Variants in ANK2 observed in about 807,000 individuals in gnomAD.
The protein encoded by ANK2 is ankyrin 2.
A neutral mutation model predicts 360.5 loss-of-function variants in ANK2; 83 were observed. That is an observed-to-expected ratio of 0.23 (90% CI 0.19 to 0.28). ANK2 has a LOEUF of 0.28. Ranked by LOEUF, ANK2 falls within the 10% of genes least tolerant of loss-of-function variation. The probability of loss-of-function intolerance (pLI) is 1.00; values close to 1 mark genes in which losing one functional copy is unlikely to be tolerated. For synonymous variants in ANK2, 1,740 were observed against 1,759.5 expected (o/e 0.99, Z 0.28); for missense variants, 4,201 against 4,795.7 (o/e 0.88, Z 3.66).
Position 113,382,742 on chromosome 4 carries a change from T to C in ANK2, c.*1271T>C, listed in dbSNP as rs937138642. On this transcript the variant is annotated 3_prime_UTR_variant, in exon 46 of 46. Coordinates refer to ENST00000357077, the MANE Select transcript of ANK2 (RefSeq NM_001148.6). ...ACCCCTCTTCTAATCACATTAATTG[T>C]TTCCATTCTTTTTACCCTGAGTGAG... 1.3e-5 allele frequency: 2 copies of C among 152,246 alleles called. No individual in the cohort carries two copies. The highest frequency in any genetic ancestry group is 2.9e-5 in the Non-Finnish European group (2 of 68,026). The allele number at this position is 152,246 out of a possible 1,614,324, so 9.4% of individuals were successfully genotyped here.
At chr4:113,241,681 A>G (rs1258263138) in intron 8 of ANK2, among the ~76,000 whole-genome samples, 1 of 152,160 alleles carries the variant, frequency 6.6e-6, no homozygotes, top group Non-Finnish European at 1.5e-5. Context: ...ATTGGATATT[A>G]ATACCCAAAT....
rs2153836492 is a variant in ANK2, at chr4:113,317,782, T to A, written c.2769T>A (p.Asp923Glu). 2 of 1,614,106 alleles carry A rather than the reference T, an allele frequency of 1.2e-6. No homozygotes were observed. The highest frequency in any genetic ancestry group is 1.7e-4 in the Middle Eastern group (1 of 6,058). The part of the protein sequence containing the change: ...ASYLRDSAVM[D>E]DSVVIPSHQV... ...ACCTGAGGGACAGTGCCGTGATGGA[T>A]GACTCAGTTGTGATTCCCAGTCACC... Residue 923 changes from aspartate to glutamate, a missense_variant, in exon 25 of 46, where the codon GAT becomes GAA. Transcript: ENST00000357077.
intron 2 of ANK2, among the ~76,000 whole-genome samples, chr4:112,983,823 G>A (rs1475604894): frequency 6.6e-6 from 1 of 152,194 alleles, no homozygotes; most frequent in East Asian, 1.9e-4. Flanking sequence ...GCGGACAGCT[G>A]TCTTTCCCTT....
At chr4:113,324,701 A>G (rs2088750174) in intron 26 of ANK2, among the ~76,000 whole-genome samples, 1 of 152,212 alleles carries the variant, frequency 6.6e-6, no homozygotes, top group Non-Finnish European at 1.5e-5. Flanking sequence ...CAGAGGAGAA[A>G]GAGCTCATGC....
chr4:113,340,734 C>G (rs569808739), intron 32 of ANK2, among the ~76,000 whole-genome samples: 1 of 150,458 alleles, frequency 6.6e-6, no homozygotes, highest in African/African-American at 2.5e-5. Context: ...AAAAAACAAA[C>G]AAACAAAATC....
the ANK2 span, among the ~76,000 whole-genome samples, chr4:112,743,579 A>C: frequency 8.8e-6 from 1 of 113,878 alleles, no homozygotes; most frequent in Non-Finnish European, 1.7e-5. Flanking sequence ...TTTTTGAGAC[A>C]GAGTTTCACT....
intron 2 of ANK2, among the ~76,000 whole-genome samples, chr4:112,957,580 A>G (rs1323386945): frequency 6.6e-6 from 1 of 151,698 alleles, no homozygotes; most frequent in East Asian, 2.0e-4. Flanking sequence ...CTCACTTCCC[A>G]GTAGGGGCGG....
chr4:113,093,710 C>T (rs1477489463), intron 1 of ANK2, among the ~76,000 whole-genome samples: 1 of 152,214 alleles, frequency 6.6e-6, no homozygotes, highest in African/African-American at 2.4e-5. Flanking sequence ...AAATAAAAGT[C>T]AGCTTTCCTC....
At chr4:112,820,116 A>G (rs1327431807) in intron 1 of ANK2, among the ~76,000 whole-genome samples, 1 of 152,236 alleles carries the variant, frequency 6.6e-6, no homozygotes, top group East Asian at 1.9e-4. Context: ...TTAACACAGT[A>G]ATGTGAAAAG....
rs2079650118 is a variant in ANK2 at position 112,890,541 on chromosome 4, AT to A, written c.-39-13913del. ...ATAAAGTTTGTAGCAGGAATTTATGATATACATTTCTGTGGTTTTTTTTTTT... is the reference window on the plus strand; with the variant it reads ...ATAAAGTTTGTAGCAGGAATTTATGAATACATTTCTGTGGTTTTTTTTTTT... On this transcript the variant is annotated intron_variant, in intron 1 of 30. Transcript: ENST00000503271. Among the ~76,000 whole-genome samples the A allele has an allele frequency of 7.9e-5, 11 of 139,110 alleles. No homozygotes were observed. The South Asian group carries it at 2.4e-3, about 30-fold the overall frequency. 91.3% of individuals were successfully genotyped at this position (139,110 alleles called of 152,430 possible).
At chr4:112,757,903 C>T in the ANK2 span, among the ~76,000 whole-genome samples, 16 of 61,978 alleles carry the variant, frequency 2.6e-4, no homozygotes, top group African/African-American at 2.6e-3. Context: ...TTTTTTGAGA[C>T]GGAGTCTCGC....
At chr4:113,184,101 C>A (rs2098468691) in intron 2 of ANK2, among the ~76,000 whole-genome samples, 1 of 147,068 alleles carries the variant, frequency 6.8e-6, no homozygotes, top group African/African-American at 2.5e-5. Context: ...TTCAGGGAAG[C>A]AGTGTCTTTG....
At chr4:113,145,877 T>A (rs778616817) in intron 1 of ANK2, 1 of 1,289,768 alleles carries the variant, frequency 7.8e-7, no homozygotes, top group Non-Finnish European at 1.0e-6. Context: ...AGATGGGGAA[T>A]GCAGCCCTCT....
Position 113,252,538 on chromosome 4 carries a change from T to C in ANK2, c.990+2676T>C, listed in dbSNP as rs79027517. Among the ~76,000 whole-genome samples the C allele has an allele frequency of 3.3e-3, 505 of 152,322 alleles. 17 individuals carry two copies. In the East Asian group the frequency reaches 0.067, roughly 20 times the overall value. ...TCTTGATTAGAGCAGTAGATAATTCTTCTAGTTGGCCTCTCAGTTAGGTAA... is the reference window on the plus strand; with the variant it reads ...TCTTGATTAGAGCAGTAGATAATTCCTCTAGTTGGCCTCTCAGTTAGGTAA... On this transcript the variant is annotated intron_variant, in intron 10 of 45. Transcript: ENST00000357077.
intron 22 of ANK2, among the ~76,000 whole-genome samples, chr4:113,298,351 A>G (rs4833424): frequency 0.033 from 4,964 of 152,262 alleles, 92 homozygotes; most frequent in Non-Finnish European, 0.036. Context: ...GAAGCTATGG[A>G]TGAGGGCCTT....
chr4:112,918,084 G>C (rs2090422423), intron 2 of ANK2, among the ~76,000 whole-genome samples: 1 of 152,146 alleles, frequency 6.6e-6, no homozygotes, highest in Non-Finnish European at 1.5e-5. Context: ...TGCTTTACCT[G>C]TCAGTTCTTT....
chr4:112,724,355 A>G, the ANK2 span, among the ~76,000 whole-genome samples: 19 of 152,264 alleles, frequency 1.2e-4, no homozygotes, highest in East Asian at 3.7e-3. Context: ...GTGAGCCACC[A>G]TGCCCGGCCA....
intron 2 of ANK2, among the ~76,000 whole-genome samples, chr4:113,023,075 T>C (rs184770768): frequency 1.3e-5 from 2 of 152,250 alleles, no homozygotes; most frequent in African/African-American, 2.4e-5. Context: ...CCAGGGCACA[T>C]GTTTACGAAT....
intron 17 of ANK2, among the ~76,000 whole-genome samples, chr4:113,281,500 CT>C (rs1386102864): frequency 6.6e-6 from 1 of 152,098 alleles, no homozygotes; most frequent in Non-Finnish European, 1.5e-5. Flanking sequence ...GATGGCACCA[CT>C]GCGCTCCAGT....
Sources: gnomAD v4.1 joint callset for allele counts (sites outside exome capture counted in the v4.1 genomes callset) on GRCh38, gnomAD v4.1.1 for gene constraint, MANE v1.5 for transcripts, NCBI Gene and HGNC (gene_info 2026-07-23, HGNC 2026-07-21) for gene names.